ZNF829: variants seen among roughly 807,000 people sequenced by gnomAD.
ZNF829 encodes zinc finger protein 829.
In ZNF829, 25 loss-of-function variants were observed where a neutral mutation model predicts 35.2. The observed-to-expected ratio is 0.71, with a 90% confidence interval of 0.52 to 0.99. ZNF829 has a LOEUF of 0.99. Ranked by LOEUF, ZNF829 falls within the 50% of genes least tolerant of loss-of-function variation. The pLI, the probability that ZNF829 is intolerant of heterozygous loss-of-function variation, is 0.00. For missense variants in ZNF829, 417 were observed against 515.3 expected, an observed-to-expected ratio of 0.81 and a Z score of 1.85; for synonymous variants, 136 against 163.2, an observed-to-expected ratio of 0.83 and a Z score of 1.27.
In ZNF829 at chr19:36,916,052, G is replaced by T; in HGVS notation, c.-126C>A. On this transcript the variant is annotated 5_prime_UTR_variant, in exon 1 of 6. An upstream open reading frame in the 5' UTR gains an earlier in-frame stop. Transcript: ENST00000391711. This position sits in a 1 kb window ranked among gnomAD's most constrained non-coding sequence, Gnocchi z 5.3. ...TCCCGCCAGGAGTGACGAAACGTTC[G>T]AATTCCTGCGAGAAAAGTGGCAGGC... The T allele has an allele frequency of 2.1e-6, 2 of 958,878 alleles. No homozygotes were observed. The highest frequency in any genetic ancestry group is 3.0e-6 in the Non-Finnish European group (2 of 673,374). 59.4% of individuals were successfully genotyped at this position (958,878 alleles called of 1,614,324 possible).
chr19:36,892,917 T>A, intron 5 of ZNF829: 1 of 1,081,240 alleles, frequency 9.2e-7, no homozygotes, highest in Non-Finnish European at 1.2e-6. Context: ...AGGCAGGGGT[T>A]AAGCTGGAGG....
chr19:36,910,015 C>T (rs1006801336), intron 3 of ZNF829, among the ~76,000 whole-genome samples: 1 of 151,654 alleles, frequency 6.6e-6, no homozygotes, highest in Non-Finnish European at 1.5e-5. Context: ...GAGTAGCCAC[C>T]TAAGGGGAGT....
chr19:36,915,901 G>GGC, intron 1 of ZNF829, 110 bp downstream of exon 1: 1 of 1,536,096 alleles, frequency 6.5e-7, no homozygotes, highest in Non-Finnish European at 8.7e-7. Context: ...AGGGGCCCAA[G>GGC]GCGCCAGCTC....
At position 36,892,438 on chromosome 19, in the gene ZNF829, G is replaced by A; in HGVS notation, c.353C>T (p.Ser118Phe). ...LESMCETKIL[S>F]LKKRHFSQVI... is the part of the protein sequence containing the mutation. The stretch of plus-strand genomic sequence containing the variant: ...TTGACTGAAATGTCTCTTCTTTAGA[G>A]ATAATATTTTGGTCTCACACATTGA... Residue 118 changes from serine (S) to phenylalanine (F), a missense_variant, in exon 6 of 6, where the codon TCT (serine) becomes TTT (phenylalanine). Transcript: ENST00000391711. The A allele has an allele frequency of 6.3e-7, 1 of 1,599,150 alleles. No individual in the cohort carries two copies. The highest frequency in any genetic ancestry group is 1.1e-5 in the South Asian group (1 of 89,424).
chr19:36,915,865 T>A, intron 1 of ZNF829, 146 bp downstream of exon 1: 1 of 1,536,036 alleles, frequency 6.5e-7, no homozygotes, highest in Non-Finnish European at 8.7e-7. Flanking sequence ...AAACACAACC[T>A]CCACCTTTCA....
intron 5 of ZNF829, chr19:36,893,042 T>A: frequency 2.5e-6 from 1 of 400,286 alleles, no homozygotes; most frequent in South Asian, 1.3e-4. Flanking sequence ...GCACAGAGTA[T>A]GATACTGTAT....
intron 5 of ZNF829, 123 bp downstream of exon 5, chr19:36,907,803 GAAA>G: frequency 3.4e-5 from 20 of 595,330 alleles, no homozygotes; most frequent in East Asian, 7.2e-5. Flanking sequence ...AAAAGTATGA[GAAA>G]AAAAAAAAAA....
At chr19:36,896,127 T>C (rs1439634085) in intron 5 of ZNF829, among the ~76,000 whole-genome samples, 2 of 151,922 alleles carry the variant, frequency 1.3e-5, no homozygotes, top group South Asian at 2.1e-4. Context: ...CTGGCTAACA[T>C]GGTGAAACCT....
At chr19:36,909,472 C>T (rs1334634556) in intron 3 of ZNF829, among the ~76,000 whole-genome samples, 1 of 152,128 alleles carries the variant, frequency 6.6e-6, no homozygotes. Context: ...ATGTCTGCAA[C>T]AATGTCTGCA....
rs750022943 is a variant in ZNF829 at position 36,891,696 on chromosome 19, T to C, written c.1095A>G (p.Ser365=). The stretch of plus-strand genomic sequence containing the variant: ...GGATTCTCTGATGTTGAATAAGTTC[T>C]GAGCTCTGAATAAAGGCCTTTCTAC... The part of the protein sequence containing the change: ...EECRKAFIQS[S]ELIQHQRIHT... Residue 365 remains serine (S), a synonymous_variant, in exon 6 of 6, where the codon TCA becomes TCG. Transcript: ENST00000391711. 2 of 1,613,968 alleles carry C rather than the reference T, an allele frequency of 1.2e-6. No homozygotes were observed. Among genetic ancestry groups the C allele is most frequent in the African/African-American group, 2.7e-5 (2 of 74,934 alleles).
intron 5 of ZNF829, chr19:36,901,718 T>G: frequency 6.8e-6 from 3 of 439,680 alleles, no homozygotes; most frequent in East Asian, 4.4e-5. Flanking sequence ...AATAAACAAG[T>G]CTTTCCAACT....
At chr19:36,910,086 AAT>A (rs540132640) in intron 3 of ZNF829, among the ~76,000 whole-genome samples, 26 of 149,854 alleles carry the variant, frequency 1.7e-4, no homozygotes, top group Non-Finnish European at 2.4e-4. Flanking sequence ...TTTCTTGAAA[AAT>A]TTTTTTTTTT....
At chr19:36,896,199 T>A (rs2073111019) in intron 5 of ZNF829, among the ~76,000 whole-genome samples, 1 of 151,606 alleles carries the variant, frequency 6.6e-6, no homozygotes, top group Non-Finnish European at 1.5e-5. Context: ...TAGTCCCACC[T>A]ACTCGGGAGG....
At position 36,891,874 on chromosome 19, in the gene ZNF829, G is replaced by A; in HGVS notation, c.917C>T (p.Thr306Ile). ...ATGCTGAATAAGCCTTGAGTGTTGA[G>A]TAAAGGCTTTCCCACATTCTTTACA... Reference protein sequence around the residue: ...YECKECGKAFTQHSRLIQHQR... With the variant: ...YECKECGKAFIQHSRLIQHQR... The change falls in exon 6 of 6, where the codon ACT becomes ATT. Residue 306 changes from threonine (T) to isoleucine (I), a missense_variant. Thr to Ile is a moderately conservative substitution (Grantham distance 89). Transcript: ENST00000391711. 2 of 1,613,846 alleles carry A rather than the reference G, an allele frequency of 1.2e-6. No individual in the cohort carries two copies.
At chr19:36,895,463 A>G (rs2073103610) in intron 5 of ZNF829, among the ~76,000 whole-genome samples, 1 of 152,200 alleles carries the variant, frequency 6.6e-6, no homozygotes, top group Non-Finnish European at 1.5e-5. Flanking sequence ...AAGAAAAAGG[A>G]TATAAAACAA....
intron 5 of ZNF829, chr19:36,892,683 C>A (rs1249887918): frequency 1.6e-6 from 1 of 617,904 alleles, no homozygotes; most frequent in Non-Finnish European, 2.7e-6. Context: ...AAGTAGATGA[C>A]CTCTATGATC....
chr19:36,915,097 A>G, intron 2 of ZNF829, 33 bp downstream of exon 2: 1 of 1,614,114 alleles, frequency 6.2e-7, no homozygotes, highest in Non-Finnish European at 8.5e-7. Context: ...CAGATTAGTC[A>G]AGTAAGAGTT....
chr19:36,909,299 G>A (rs1034196316), intron 3 of ZNF829, among the ~76,000 whole-genome samples: 1 of 151,952 alleles, frequency 6.6e-6, no homozygotes, highest in Non-Finnish European at 1.5e-5. Flanking sequence ...ATATTGACAG[G>A]CAACTGACAG....
chr19:36,900,826 C>A (rs904269126), intron 5 of ZNF829, among the ~76,000 whole-genome samples: 1 of 130,084 alleles, frequency 7.7e-6, no homozygotes, highest in South Asian at 2.4e-4. Flanking sequence ...CCAGACTGGG[C>A]AACAGAGCGA....
Sources: gnomAD v4.1 joint callset for allele counts (sites outside exome capture counted in the v4.1 genomes callset) on GRCh38, gnomAD v4.1.1 for gene constraint, Gnocchi (gnomAD v3.1) non-coding constraint, MANE v1.5 for transcripts, NCBI Gene and HGNC (gene_info 2026-07-23, HGNC 2026-07-21) for gene names.